The following PAG1 variants were observed in gnomAD, a reference collection of about 807,000 sequenced individuals.
The protein encoded by PAG1 is phosphoprotein associated with glycosphingolipid-enriched microdomains 1.
PAG1 carries 23 observed loss-of-function variants against 31.7 expected under a neutral mutation model. That is an observed-to-expected ratio of 0.73 (90% confidence interval 0.52 to 1.03). The LOEUF is 1.03. PAG1 is among the 50% of genes least tolerant of loss of function. PAG1 has a pLI of 0.00. For missense variants in PAG1, 473 were observed against 540.7 expected (o/e 0.87, Z 1.24); for synonymous variants, 214 against 210.3 (o/e 1.02, Z -0.15).
intron 6 of PAG1, among the ~76,000 whole-genome samples, chr8:80,985,789 T>G (rs1563617199): frequency 6.6e-6 from 1 of 152,186 alleles, no homozygotes; most frequent in Non-Finnish European, 1.5e-5. Context: ...CCTGCCTGTG[T>G]GGAGGGAATT....
intron 2 of PAG1, among the ~76,000 whole-genome samples, chr8:81,058,987 T>C (rs1808873852): frequency 1.3e-5 from 2 of 152,150 alleles, no homozygotes; most frequent in African/African-American, 2.4e-5. Context: ...ATATACTTCA[T>C]TGCAAAAGGA....
chr8:80,977,479 T>C (rs1807209455), intron 8 of PAG1, among the ~76,000 whole-genome samples: 1 of 152,142 alleles, frequency 6.6e-6, no homozygotes, highest in Non-Finnish European at 1.5e-5. Context: ...AACTCTGAAT[T>C]AGACTACTCC....
chr8:81,035,232 G>A (rs947122537), intron 2 of PAG1, among the ~76,000 whole-genome samples: 8 of 152,214 alleles, frequency 5.3e-5, no homozygotes, highest in African/African-American at 1.9e-4. Flanking sequence ...AAGATCACCT[G>A]GCAAGACCAA....
intron 3 of PAG1, among the ~76,000 whole-genome samples, chr8:80,993,615 T>TC (rs953571545): frequency 8.1e-5 from 12 of 148,824 alleles, no homozygotes; most frequent in South Asian, 4.3e-4. Flanking sequence ...TTTTTTTTTT[T>TC]TTCTTCAACC....
At chr8:81,026,682 G>A (rs1248671583) in intron 3 of PAG1, among the ~76,000 whole-genome samples, 1 of 152,028 alleles carries the variant, frequency 6.6e-6, no homozygotes, top group Non-Finnish European at 1.5e-5. Flanking sequence ...GAACAAGCAG[G>A]CAGGATAGGA....
chr8:81,011,964 T>G (rs1421614461), intron 3 of PAG1, among the ~76,000 whole-genome samples: 3 of 152,218 alleles, frequency 2.0e-5, no homozygotes, highest in African/African-American at 7.2e-5. Context: ...CAATCGTCTG[T>G]TGAGGTTTCT....
rs925958289 is a variant in PAG1, at chr8:81,111,996, A to T, written c.-639T>A. ...AGCCCGCCCCCAGTCGGCTGGTCAC[A>T]TCGCGGGCGCGCAGACGGACAAGCG... is the stretch of plus-strand genomic sequence containing the variant. On this transcript the variant is annotated 5_prime_UTR_variant, in exon 1 of 9. The change abolishes an upstream ATG in the 5' untranslated region. Transcript: ENST00000220597. The T allele has an allele frequency of 6.6e-6, 1 of 152,174 alleles. No individual in the cohort carries two copies. Among genetic ancestry groups the T allele is most frequent in the Non-Finnish European group, 1.5e-5 (1 of 68,036 alleles). 9.4% of individuals were successfully genotyped at this position (152,174 alleles called of 1,614,324 possible). A position where few individuals can be genotyped will look rare whatever the true frequency, so the allele number is the denominator to read the frequency against.
intron 1 of PAG1, among the ~76,000 whole-genome samples, chr8:81,087,619 C>T (rs1315362109): frequency 6.6e-6 from 1 of 152,240 alleles, no homozygotes; most frequent in African/African-American, 2.4e-5. Context: ...CTAGATGCAA[C>T]ATACTGTAAT....
rs1222880336 is a variant in PAG1, at chr8:80,971,793, A to G, written c.*4751T>C. 1.3e-5 allele frequency: 2 copies of G among 152,258 alleles called. No individual in the cohort carries two copies. Among genetic ancestry groups the G allele is most frequent in the Non-Finnish European group, 2.9e-5 (2 of 68,032 alleles). 9.4% of individuals were successfully genotyped at this position (152,258 alleles called of 1,614,324 possible). On this transcript the variant is annotated 3_prime_UTR_variant, in exon 9 of 9. Transcript: ENST00000220597. ...AAAAAAATAATGACATACTTCACAA[A>G]TAGTAGAGACTAGATGTAAACACAG... is the stretch of plus-strand genomic sequence containing the variant.
intron 1 of PAG1, among the ~76,000 whole-genome samples, chr8:81,078,493 C>CAAAGAGACACATCTATGTTTCTTTGGA (rs1329404457): frequency 2.0e-5 from 3 of 151,378 alleles, no homozygotes; most frequent in African/African-American, 7.3e-5. Context: ...ACAAGTTCTC[C>CAAAGAGACACATCTATGTTTCTTTGGA]AAAGAGACAC....
chr8:80,984,357 C>G (rs181195014), intron 7 of PAG1, among the ~76,000 whole-genome samples: 1 of 152,220 alleles, frequency 6.6e-6, no homozygotes, highest in Admixed American at 6.5e-5. Flanking sequence ...AGTTGGTTCC[C>G]ATGGTACCTG....
intron 3 of PAG1, among the ~76,000 whole-genome samples, chr8:81,020,537 C>T (rs577151910): frequency 7.9e-5 from 12 of 152,238 alleles, no homozygotes; most frequent in East Asian, 1.9e-4. Flanking sequence ...TCTTGCCTGC[C>T]GCCATGTAAG....
chr8:81,069,286 C>T (rs1012221387), intron 2 of PAG1, among the ~76,000 whole-genome samples: 1 of 152,162 alleles, frequency 6.6e-6, no homozygotes, highest in Non-Finnish European at 1.5e-5. Flanking sequence ...TACAAGATTC[C>T]TTTGGTGAAG....
rs140435725 is a variant in PAG1 at position 81,048,536 on chromosome 8, G to A, written c.-174-18447C>T. Among the ~76,000 whole-genome samples the A allele has an allele frequency of 3.7e-3, 566 of 152,210 alleles. 4 individuals carry two copies. The highest frequency in any genetic ancestry group is 0.013 in the African/African-American group (546 of 41,530). On this transcript the variant is annotated intron_variant, in intron 2 of 8. Coordinates refer to ENST00000220597, the MANE Select transcript of PAG1 (RefSeq NM_018440.4). ...GGGCCCAGAGAGGCCTGCCCCAGCC[G>A]CTGTGACCTGTGCTTAATTCCTGGG...
At chr8:81,058,122 G>T (rs549903177) in intron 2 of PAG1, among the ~76,000 whole-genome samples, 24 of 152,122 alleles carry the variant, frequency 1.6e-4, no homozygotes, top group Non-Finnish European at 3.2e-4. Context: ...GAATTGTTTG[G>T]TGAGAGATTT....
intron 2 of PAG1, 125 bp downstream of exon 2, chr8:81,069,987 G>A (rs755571700): frequency 1.3e-5 from 2 of 152,220 alleles, no homozygotes; most frequent in Non-Finnish European, 2.9e-5. Flanking sequence ...GAAGCTGTGT[G>A]TCTGCAGACT....
chr8:80,981,712 C>A (rs1292079945), intron 7 of PAG1, among the ~76,000 whole-genome samples: 1 of 152,154 alleles, frequency 6.6e-6, no homozygotes, highest in East Asian at 1.9e-4. Context: ...GACCCTGTCT[C>A]CACATACCTA....
chr8:81,015,839 G>C (rs1257472208), intron 3 of PAG1, among the ~76,000 whole-genome samples: 1 of 152,162 alleles, frequency 6.6e-6, no homozygotes, highest in African/African-American at 2.4e-5. Flanking sequence ...CTTCCAGCAA[G>C]AAATGCTGTC....
At position 80,977,012 on chromosome 8, in the gene PAG1, C is replaced by G. The variant is rs1181565077; in HGVS notation, c.937-106G>C. 4 of 976,142 alleles carry G rather than the reference C, an allele frequency of 4.1e-6. No homozygotes were observed. In the East Asian group the frequency reaches 9.6e-5, roughly 23 times the overall value. 60.5% of individuals were successfully genotyped at this position (976,142 alleles called of 1,614,324 possible). ...GCACTCCTGGGTTTCTGTGTGTGTA[C>G]TCCTTAAAGATTTGTTCTTTCTTAT... On this transcript the variant is annotated intron_variant, in intron 8 of 8. Coordinates refer to ENST00000220597, the MANE Select transcript of PAG1 (RefSeq NM_018440.4).
Sources: gnomAD v4.1 joint callset for allele counts (sites outside exome capture counted in the v4.1 genomes callset) on GRCh38, gnomAD v4.1.1 for gene constraint, MANE v1.5 for transcripts, NCBI Gene and HGNC (gene_info 2026-07-23, HGNC 2026-07-21) for gene names.